The following ZNF232 variants were observed in gnomAD, a reference collection of about 807,000 sequenced individuals.
ZNF232 encodes the protein zinc finger protein 232.
In ZNF232, 25 loss-of-function variants were observed where a neutral mutation model predicts 25.2. The observed-to-expected ratio is 0.99, with a 90% CI of 0.72 to 1.39. ZNF232 has a LOEUF of 1.39. Among genes scored for constraint, ZNF232 ranks in the 40% most tolerant of loss-of-function variants. The pLI is 0.00. For missense variants in ZNF232, 519 were observed against 520.9 expected, an observed-to-expected ratio of 1.00 and a Z score of 0.04; for synonymous variants, 193 against 182.9, an observed-to-expected ratio of 1.06 and a Z score of -0.45.
chr17:5,116,675 G>T (rs1166420346), upstream of ZNF232: 1 of 152,276 alleles, frequency 6.6e-6, no homozygotes, highest in Non-Finnish European at 1.5e-5. Context: ...ACCCAAGACT[G>T]TACCGCCAAG....
chr17:5,111,928 C>G, upstream of ZNF232: 1 of 1,481,562 alleles, frequency 6.7e-7, no homozygotes, highest in Non-Finnish European at 9.1e-7. Context: ...TCCTCCTCGC[C>G]GCCGGCTTCC....
chr17:5,109,958 C>T, intron 1 of ZNF232, 90 bp from the exon 2 acceptor site: 3 of 1,258,872 alleles, frequency 2.4e-6, no homozygotes, highest in Non-Finnish European at 3.2e-6. Flanking sequence ...GACATGATCT[C>T]AGCTCACTGC....
At chr17:5,109,216 A>G (rs1223018522) in intron 2 of ZNF232, 164 bp from the exon 3 acceptor site, 2 of 1,232,684 alleles carry the variant, frequency 1.6e-6, no homozygotes, top group East Asian at 2.4e-5. Flanking sequence ...AAGAGGAGCT[A>G]GAGTCTCTTT....
intron 3 of ZNF232, among the ~76,000 whole-genome samples, chr17:5,107,528 C>T (rs2072290270): frequency 7.0e-6 from 1 of 143,206 alleles, no homozygotes; most frequent in African/African-American, 2.6e-5. Flanking sequence ...TTTAAGATAA[C>T]TCAAGGTCAT....
intron 3 of ZNF232, among the ~76,000 whole-genome samples, chr17:5,107,922 A>G (rs1297668488): frequency 2.6e-5 from 4 of 152,170 alleles, no homozygotes; most frequent in Non-Finnish European, 5.9e-5. Context: ...TATATAAAAA[A>G]AAAATCACAC....
At chr17:5,118,610 G>A (rs1431089487) in intron 1 of ZNF232, among the ~76,000 whole-genome samples, 2 of 152,260 alleles carry the variant, frequency 1.3e-5, no homozygotes, top group Non-Finnish European at 2.9e-5. Context: ...GGCAAAGGGT[G>A]AGTGTGACAG....
chr17:5,116,070 G>A (rs2072528755), upstream of ZNF232, among the ~76,000 whole-genome samples: 1 of 152,174 alleles, frequency 6.6e-6, no homozygotes, highest in Non-Finnish European at 1.5e-5. Flanking sequence ...GGGCCCCGAC[G>A]CCCAGCTCCA....
chr17:5,117,515 CAA>C (rs59282298), intron 1 of ZNF232, among the ~76,000 whole-genome samples: 16 of 61,946 alleles, frequency 2.6e-4, no homozygotes, highest in Admixed American at 5.2e-4. Context: ...GACTCCGTCT[CAA>C]AAAAAAAAAA....
At position 5,120,515 on chromosome 17, in the gene ZNF232, G is replaced by A. The variant is rs537422171; in HGVS notation, c.-530+2462C>T. The A allele has an allele frequency of 9.9e-4, 336 of 340,482 alleles. 1 individual carries two copies. The highest frequency in any genetic ancestry group is 1.7e-3 in the Non-Finnish European group (303 of 175,462). The allele number at this position is 340,482 out of a possible 1,614,324, so 21.1% of individuals were successfully genotyped here. A position where few individuals can be genotyped will look rare whatever the true frequency, so the allele number is the denominator to read the frequency against. ...AGGAGCTGTTGGCCTATCTGTGTCT[G>A]TCTGTCTGTCTGTCTGTCATCTGCA... On this transcript the variant is annotated intron_variant, in intron 1 of 4. Transcript: ENST00000250076.
rs746093827 is a variant in ZNF232, at chr17:5,109,639, GA to G, written c.252del (p.Leu85SerfsTer13). On this transcript the variant is annotated frameshift_variant, in exon 2 of 4. Transcript: ENST00000575898. LOFTEE classifies it high-confidence loss of function. ...GGACCAGGAGTCTCCTGGTAGCGGAGATGCCTGAAGCGTTGGCGGAAGATCT... is the reference window on the plus strand; with the variant it reads ...GGACCAGGAGTCTCCTGGTAGCGGAGTGCCTGAAGCGTTGGCGGAAGATCT... 6.8e-6 allele frequency: 11 copies of G among 1,614,126 alleles called. No homozygotes were observed. The Admixed American group carries it at 1.8e-4, about 27-fold the overall frequency.
chr17:5,106,623 A>G (rs1265689596), intron 3 of ZNF232, 90 bp from the exon 4 acceptor site: 20 of 1,099,450 alleles, frequency 1.8e-5, no homozygotes, highest in Non-Finnish European at 2.6e-5. Flanking sequence ...TATGACAAAC[A>G]TTCGAAGAAT....
chr17:5,106,162 A>T (rs2072255969), exon 4 of ZNF232: 1 of 1,614,190 alleles, frequency 6.2e-7, no homozygotes, highest in African/African-American at 1.3e-5. Flanking sequence ...CAGTCACTAC[A>T]CTTATAGGGT....
At chr17:5,110,843 C>A (rs1353314236) in intron 1 of ZNF232, among the ~76,000 whole-genome samples, 1 of 152,088 alleles carries the variant, frequency 6.6e-6, no homozygotes, top group Non-Finnish European at 1.5e-5. Context: ...ATCCGTGGCT[C>A]GCACTTTTAC....
chr17:5,106,566 A>C (rs1165508944), intron 3 of ZNF232, 33 bp from the exon 4 acceptor site: 1 of 1,523,772 alleles, frequency 6.6e-7, no homozygotes, highest in African/African-American at 1.4e-5. Context: ...CTTAGATTAA[A>C]ATGTATATTT....
At chr17:5,115,715 T>C (rs2072519404), upstream of ZNF232, among the ~76,000 whole-genome samples, 1 of 152,160 alleles carries the variant, frequency 6.6e-6, no homozygotes, top group African/African-American at 2.4e-5. Context: ...GAAGGCCCCA[T>C]GAATAACCTT....
upstream of ZNF232, chr17:5,111,889 G>A (rs757028146): frequency 1.7e-5 from 27 of 1,601,828 alleles, no homozygotes; most frequent in Non-Finnish European, 2.2e-5. Context: ...GCCTGCGCAG[G>A]TCGCAGCCTC....
At chr17:5,111,662 G>A (rs879865411) in intron 1 of ZNF232, 138 bp downstream of exon 1, 3 of 1,355,116 alleles carry the variant, frequency 2.2e-6, no homozygotes, top group Non-Finnish European at 3.0e-6. Context: ...CGGGCACCAC[G>A]GGCAACCCAA....
chr17:5,110,909 G>A lies in ZNF232; in HGVS notation c.23+891C>T, dbSNP rs200679850. Among the ~76,000 whole-genome samples, 38 of 152,296 alleles carry A rather than the reference G, an allele frequency of 2.5e-4. No individual in the cohort carries two copies. The East Asian group carries it at 6.9e-3, about 28-fold the overall frequency. ...GGGGAGAAAGCTGGCAGGAGGGGAAGGAGGAGAGAAGAGGGAGGGTATGTG... is the reference window on the plus strand; with the variant it reads ...GGGGAGAAAGCTGGCAGGAGGGGAAAGAGGAGAGAAGAGGGAGGGTATGTG... On this transcript the variant is annotated intron_variant, in intron 1 of 3. Transcript: ENST00000575898.
chr17:5,110,092 A>G (rs1403309302), intron 1 of ZNF232, among the ~76,000 whole-genome samples: 5 of 152,046 alleles, frequency 3.3e-5, no homozygotes, highest in Non-Finnish European at 7.4e-5. Context: ...GGGTTTTGCC[A>G]TATTGGCCAG....
Sources: gnomAD v4.1 joint callset for allele counts (sites outside exome capture counted in the v4.1 genomes callset) on GRCh38, gnomAD v4.1.1 for gene constraint, MANE v1.5 for transcripts, NCBI Gene and HGNC (gene_info 2026-07-23, HGNC 2026-07-21) for gene names.